The following PITPNM3 variants were observed in gnomAD, a reference collection of about 807,000 sequenced individuals.
PITPNM3 encodes PITPNM family member 3.
Under a neutral mutation model 102.0 loss-of-function variants are expected in PITPNM3, and 26 were observed. The observed-to-expected ratio is 0.25, with a 90% confidence interval of 0.19 to 0.35. The LOEUF is 0.35. PITPNM3 is among the 10% of genes least tolerant of loss of function. The pLI is 1.00. For missense variants in PITPNM3, 1,083 were observed against 1,346.1 expected, an observed-to-expected ratio of 0.80 and a Z score of 3.06; for synonymous variants, 578 against 558.6, an observed-to-expected ratio of 1.03 and a Z score of -0.49.
In PITPNM3 at chr17:6,459,722, C is replaced by T. The variant is rs140968010; in HGVS notation, c.2490+1651G>A. 9.2e-5 allele frequency among the ~76,000 whole-genome samples: 14 copies of T among 152,254 alleles called. No individual in the cohort carries two copies. The highest frequency in any genetic ancestry group is 4.2e-4 in the South Asian group (2 of 4,812). On this transcript the variant is annotated intron_variant, in intron 18 of 19. Coordinates refer to ENST00000262483, the MANE Select transcript of PITPNM3 (RefSeq NM_031220.4). The surrounding 1 kb of genome is among the most constrained non-coding windows in gnomAD (Gnocchi z 5.0). ...GCAGAAGCTATATTGGTGAGCAGAA[C>T]GGACAGGCTCTGCCTCCATGGAGAC...
In PITPNM3 at chr17:6,455,177, G is replaced by C. The variant is rs1914030773; in HGVS notation, c.*161C>G. Reference sequence around the variant, plus strand: ...CGTCGCAGCTCAGGGAGCCCCCCGGGCTCGGGCAGGATCCCTCCCCGCTCT... The same window carrying C: ...CGTCGCAGCTCAGGGAGCCCCCCGGCCTCGGGCAGGATCCCTCCCCGCTCT... On this transcript the variant is annotated 3_prime_UTR_variant, in exon 20 of 20. Transcript: ENST00000262483. 1 of 949,418 alleles carries C rather than the reference G, an allele frequency of 1.1e-6. No homozygotes were observed. Among genetic ancestry groups the C allele is most frequent in the Non-Finnish European group, 1.5e-6 (1 of 674,328 alleles). 58.8% of individuals were successfully genotyped at this position (949,418 alleles called of 1,614,324 possible). A position where few individuals can be genotyped will look rare whatever the true frequency, so the allele number is the denominator to read the frequency against.
chr17:6,504,902 CG>C (rs1031993945), intron 3 of PITPNM3, among the ~76,000 whole-genome samples: 2 of 152,080 alleles, frequency 1.3e-5, no homozygotes, highest in African/African-American at 4.8e-5. Context: ...CGGCTAGGCA[CG>C]GTGGCTCATG....
At chr17:6,531,484 C>A (rs1364970659) in intron 2 of PITPNM3, among the ~76,000 whole-genome samples, 1 of 152,234 alleles carries the variant, frequency 6.6e-6, no homozygotes, top group Non-Finnish European at 1.5e-5. Flanking sequence ...TGGCTTCTGG[C>A]CAGACTACCT....
Position 6,459,175 on chromosome 17 carries a change from C to T in PITPNM3, c.2491-1453G>A, listed in dbSNP as rs1201215091. Among the ~76,000 whole-genome samples the T allele has an allele frequency of 6.6e-6, 1 of 152,196 alleles. No homozygotes were observed. The highest frequency in any genetic ancestry group is 1.5e-5 in the Non-Finnish European group (1 of 68,038). On this transcript the variant is annotated intron_variant, in intron 18 of 19. Coordinates refer to ENST00000262483, the MANE Select transcript of PITPNM3 (RefSeq NM_031220.4). This position sits in a 1 kb window ranked among gnomAD's most constrained non-coding sequence, Gnocchi z 5.0. ...TCATGACCCTCCCAGCTGACACCCA[C>T]TTTCTCTGCTCCTCTCCCTGCTACT...
At position 6,484,302 on chromosome 17, in the gene PITPNM3, GA is replaced by G; in HGVS notation, c.275-11del. ...ACCCGGTACAGTTCTCCTGCAGAGG[GA>G]AAGAGGGGAGCTCAGCATCTCCAGG... On this transcript the variant is annotated splice_polypyrimidine_tract_variant and intron_variant, in intron 4 of 19. Transcript: ENST00000262483. 6.3e-7 allele frequency: 1 copy of G among 1,591,140 alleles called. No individual in the cohort carries two copies. Among genetic ancestry groups the G allele is most frequent in the Non-Finnish European group, 8.6e-7 (1 of 1,159,286 alleles).
At chr17:6,463,659 CA>C in intron 17 of PITPNM3, 72 bp downstream of exon 17, 1 of 1,554,352 alleles carries the variant, frequency 6.4e-7, no homozygotes, top group East Asian at 2.4e-5. Flanking sequence ...ATCAGAAAAA[CA>C]ACATATTTCC....
chr17:6,481,055 C>T (rs1905637918), intron 6 of PITPNM3: 1 of 152,334 alleles, frequency 6.6e-6, no homozygotes, highest in Non-Finnish European at 1.5e-5. Context: ...AGCTGGGTTC[C>T]CTGCTGCGAG....
At chr17:6,542,431 C>T (rs1909779794) in intron 1 of PITPNM3, among the ~76,000 whole-genome samples, 3 of 152,152 alleles carry the variant, frequency 2.0e-5, no homozygotes, top group African/African-American at 7.2e-5. Flanking sequence ...CATGCATGCA[C>T]ACTCCCATAA....
chr17:6,493,694 C>A (rs753817284), intron 4 of PITPNM3, among the ~76,000 whole-genome samples: 1 of 152,254 alleles, frequency 6.6e-6, no homozygotes, highest in Non-Finnish European at 1.5e-5. Flanking sequence ...CACCTGGATT[C>A]ATCTGACTAA....
Position 6,543,761 on chromosome 17 carries a change from G to A in PITPNM3, c.23-5679C>T, listed in dbSNP as rs76261203. On this transcript the variant is annotated intron_variant, in intron 1 of 19. Coordinates refer to ENST00000262483, the MANE Select transcript of PITPNM3 (RefSeq NM_031220.4). ...ATTCCACACCCACCATGTCTGTCCC[G>A]CGGCAAGTGGAAATGGTCCTCCCAG... is the stretch of plus-strand genomic sequence containing the variant. Among the ~76,000 whole-genome samples the A allele has an allele frequency of 6.6e-3, 999 of 152,266 alleles. 15 individuals carry two copies. Among genetic ancestry groups the A allele is most frequent in the African/African-American group, 0.023 (937 of 41,540 alleles).
intron 1 of PITPNM3, among the ~76,000 whole-genome samples, chr17:6,553,023 G>C (rs981770876): frequency 3.3e-5 from 5 of 151,078 alleles, no homozygotes; most frequent in Non-Finnish European, 7.4e-5. Context: ...GCCCGCCTCG[G>C]CGTCCCAAAG....
At chr17:6,548,915 C>A (rs556249985) in intron 1 of PITPNM3, among the ~76,000 whole-genome samples, 9 of 152,252 alleles carry the variant, frequency 5.9e-5, no homozygotes, top group African/African-American at 2.2e-4. Flanking sequence ...ATCCCTGCTA[C>A]CAGCTAACAG....
intron 9 of PITPNM3, among the ~76,000 whole-genome samples, chr17:6,476,094 T>C (rs1905287459): frequency 6.6e-6 from 1 of 152,242 alleles, no homozygotes. Flanking sequence ...TTCGACATTA[T>C]ATTGCCATTA....
At chr17:6,516,421 A>G (rs575827235) in intron 3 of PITPNM3, among the ~76,000 whole-genome samples, 53 of 150,978 alleles carry the variant, frequency 3.5e-4, no homozygotes, top group Non-Finnish European at 6.8e-4. Context: ...AAAATTAGCC[A>G]GGCGTGGTGG....
At chr17:6,500,806 G>T (rs980402275) in intron 4 of PITPNM3, among the ~76,000 whole-genome samples, 2 of 151,994 alleles carry the variant, frequency 1.3e-5, no homozygotes, top group Admixed American at 6.6e-5. Context: ...CTCCCCAGTA[G>T]CTGGGATTTC....
intron 14 of PITPNM3, among the ~76,000 whole-genome samples, chr17:6,467,067 C>T (rs377581535): frequency 1.2e-3 from 6 of 4,954 alleles, no homozygotes; most frequent in African/African-American, 4.0e-3. Flanking sequence ...CGTCTCAAAA[C>T]AAAAAAAAAA....
chr17:6,481,985 CCTCTCTCTCTCTCTCTCTCTCTCTCTCT>C, intron 6 of PITPNM3, among the ~76,000 whole-genome samples: 1 of 56,140 alleles, frequency 1.8e-5, no homozygotes, highest in South Asian at 1.0e-3. Flanking sequence ...GAAAACAGAA[CCTCTCTCTCTCTCTCTCTCTCTCTCTCT>C]CTCTCTCTCT....
intron 4 of PITPNM3, among the ~76,000 whole-genome samples, chr17:6,484,720 G>A (rs1052629466): frequency 2.0e-5 from 3 of 152,210 alleles, no homozygotes; most frequent in African/African-American, 7.2e-5. Context: ...ACTCTTGACT[G>A]GGCTGAGAGG....
At position 6,464,421 on chromosome 17, in the gene PITPNM3, A is replaced by T. The variant is rs1904657675; in HGVS notation, c.2008-103T>A. ...CTCTGGGCTGAGGTCCCTGCCTGACATTCCCTGGCTCCTGCCAGCCTGGCT... is the reference window on the plus strand; with the variant it reads ...CTCTGGGCTGAGGTCCCTGCCTGACTTTCCCTGGCTCCTGCCAGCCTGGCT... On this transcript the variant is annotated intron_variant, in intron 15 of 19. Coordinates refer to ENST00000262483, the MANE Select transcript of PITPNM3 (RefSeq NM_031220.4). The T allele has an allele frequency of 1.5e-5, 20 of 1,297,384 alleles. No homozygotes were observed. The South Asian group carries it at 2.1e-4, about 13-fold the overall frequency. 80.4% of individuals were successfully genotyped at this position (1,297,384 alleles called of 1,614,324 possible). A position where few individuals can be genotyped will look rare whatever the true frequency, so the allele number is the denominator to read the frequency against.
Sources: gnomAD v4.1 joint callset for allele counts (sites outside exome capture counted in the v4.1 genomes callset) on GRCh38, gnomAD v4.1.1 for gene constraint, Gnocchi (gnomAD v3.1) non-coding constraint, MANE v1.5 for transcripts, NCBI Gene and HGNC (gene_info 2026-07-23, HGNC 2026-07-21) for gene names.